The following SYNGR1 variants were observed in gnomAD, a reference collection of about 807,000 sequenced individuals.
SYNGR1 encodes the protein synaptogyrin-1.
In SYNGR1, 14 loss-of-function variants were observed where a neutral mutation model predicts 26.1. The observed-to-expected ratio is 0.54, with a 90% CI of 0.35 to 0.84. The LOEUF is 0.84. SYNGR1 is among the 40% of genes least tolerant of loss of function. SYNGR1 has a pLI of 0.01. For missense variants in SYNGR1, 319 were observed against 332.9 expected, an observed-to-expected ratio of 0.96 and a Z score of 0.33; for synonymous variants, 141 against 150.1, an observed-to-expected ratio of 0.94 and a Z score of 0.44.
chr22:39,360,723 T>G (rs1045543587), intron 1 of SYNGR1, among the ~76,000 whole-genome samples: 14 of 152,060 alleles, frequency 9.2e-5, no homozygotes, highest in African/African-American at 3.4e-4. Context: ...AGTTAAAATA[T>G]GGAGGTGAGC....
chr22:39,374,829 A>G (rs1925203019), intron 2 of SYNGR1: 3 of 521,570 alleles, frequency 5.8e-6, no homozygotes, highest in Non-Finnish European at 1.0e-5. Flanking sequence ...GGCACTGGGC[A>G]TGTGCCAGCC....
intron 1 of SYNGR1, among the ~76,000 whole-genome samples, chr22:39,358,721 C>A (rs1924307778): frequency 6.6e-6 from 1 of 152,162 alleles, no homozygotes; most frequent in South Asian, 2.1e-4. Flanking sequence ...AGAGCTGTAA[C>A]ACTCACCGAG....
chr22:39,365,918 A>G (rs541008882), intron 1 of SYNGR1, among the ~76,000 whole-genome samples: 1 of 150,166 alleles, frequency 6.7e-6, no homozygotes, highest in East Asian at 2.0e-4. Flanking sequence ...GGCTGGTCTC[A>G]AGCAATCTGC....
chr22:39,357,640 CAG>C (rs1924213900), intron 1 of SYNGR1, among the ~76,000 whole-genome samples: 1 of 135,436 alleles, frequency 7.4e-6, no homozygotes, highest in African/African-American at 2.7e-5. Context: ...AGCAGCCGGC[CAG>C]CCCTGCTGGC....
intron 3 of SYNGR1, among the ~76,000 whole-genome samples, chr22:39,379,390 T>C (rs560641749): frequency 1.3e-5 from 2 of 152,218 alleles, no homozygotes; most frequent in Admixed American, 1.3e-4. Flanking sequence ...TCCCAGCACT[T>C]TGGGAGGCCA....
At chr22:39,372,429 C>T (rs57492051) in intron 1 of SYNGR1, among the ~76,000 whole-genome samples, 15,203 of 143,476 alleles carry the variant, frequency 0.11, 1,949 homozygotes, top group African/African-American at 0.31. Context: ...CCATGCACCA[C>T]GCCCAGCTCT....
intron 1 of SYNGR1, among the ~76,000 whole-genome samples, chr22:39,352,174 G>C (rs947891440): frequency 6.6e-6 from 1 of 152,182 alleles, no homozygotes; most frequent in African/African-American, 2.4e-5. Context: ...CCAGAATCCT[G>C]GAATGTCAGG....
chr22:39,375,603 G>A (rs906824955), intron 2 of SYNGR1: 1 of 415,000 alleles, frequency 2.4e-6, no homozygotes. Flanking sequence ...TACCTCATTT[G>A]TCTGGCAGCC....
In SYNGR1 at chr22:39,350,168, G is replaced by A; in HGVS notation, c.99+59G>A. On this transcript the variant is annotated intron_variant, in intron 1 of 3. Coordinates refer to ENST00000328933, the MANE Select transcript of SYNGR1 (RefSeq NM_004711.5). The surrounding 1 kb of genome is among the most constrained non-coding windows in gnomAD (Gnocchi z 4.3). ...CGGGGTGGTGGGGGTGTGAGCAAAG[G>A]CGGCGCGCCCGGACCGACCCCGACC... 8.0e-7 allele frequency: 1 copy of A among 1,249,392 alleles called. No homozygotes were observed. Among genetic ancestry groups the A allele is most frequent in the South Asian group, 1.7e-5 (1 of 58,492 alleles). The allele number at this position is 1,249,392 out of a possible 1,614,324, so 77.4% of individuals were successfully genotyped here.
chr22:39,357,490 T>C (rs1459822023), intron 1 of SYNGR1, among the ~76,000 whole-genome samples: 2 of 152,178 alleles, frequency 1.3e-5, no homozygotes, highest in Admixed American at 6.5e-5. Context: ...CTTTCTGGGC[T>C]GGCCAAGGCT....
intron 1 of SYNGR1, among the ~76,000 whole-genome samples, chr22:39,367,545 G>C (rs111729352): frequency 6.6e-6 from 1 of 152,122 alleles, no homozygotes; most frequent in African/African-American, 2.4e-5. Context: ...GTTGTAGACC[G>C]CGCGAGGTGG....
intron 1 of SYNGR1, among the ~76,000 whole-genome samples, chr22:39,366,269 G>T (rs913610548): frequency 6.6e-6 from 1 of 151,746 alleles, no homozygotes; most frequent in Non-Finnish European, 1.5e-5. Context: ...GATCACAGGC[G>T]TGAGCCACCA....
chr22:39,379,200 C>G (rs1412574623), intron 3 of SYNGR1, among the ~76,000 whole-genome samples: 1 of 152,228 alleles, frequency 6.6e-6, no homozygotes, highest in Non-Finnish European at 1.5e-5. Flanking sequence ...AGTGGGAAAC[C>G]CCAGAGGGCT....
rs114689408 is a variant in SYNGR1, at chr22:39,374,483, C to T, written c.267C>T (p.Asp89=). The T allele has an allele frequency of 3.9e-5, 63 of 1,613,858 alleles. No homozygotes were observed. The African/African-American group carries it at 7.1e-4, about 18-fold the overall frequency. ...CCTGCCTGCTGTACCTGGCCCTGGA[C>T]GTGTACTTCCCGCAGATCAGCAGCG... ...FLTCLLYLAL[D]VYFPQISSVK... is the part of the protein sequence containing the mutation. Residue 89 remains aspartate (D), a synonymous_variant, in exon 2 of 4, where the codon GAC becomes GAT. Coordinates refer to ENST00000328933, the MANE Select transcript of SYNGR1 (RefSeq NM_004711.5).
intron 1 of SYNGR1, 78 bp from the exon 2 acceptor site, chr22:39,374,238 G>C (rs1925160547): frequency 7.2e-7 from 1 of 1,389,272 alleles, no homozygotes; most frequent in Non-Finnish European, 1.0e-6. Flanking sequence ...AGCAGGCGAG[G>C]GTGGCAGCCT....
At chr22:39,373,774 C>T (rs1178393735) in intron 1 of SYNGR1, among the ~76,000 whole-genome samples, 3 of 152,204 alleles carry the variant, frequency 2.0e-5, no homozygotes, top group Admixed American at 6.5e-5. Flanking sequence ...TGAGCCACCA[C>T]CCCCAGCCCA....
rs546645283 is a variant in SYNGR1 at position 39,377,096 on chromosome 22, G to A, written c.483+899G>A. 170 of 1,548,448 alleles carry A rather than the reference G, an allele frequency of 1.1e-4. 1 individual carries two copies. In the Middle Eastern group the frequency reaches 3.7e-3, roughly 33 times the overall value. On this transcript the variant is annotated intron_variant, in intron 3 of 3. Coordinates refer to ENST00000328933, the MANE Select transcript of SYNGR1 (RefSeq NM_004711.5). ...ACAGCTGCCTCCCCTCTGGACCGGC[G>A]AGCACTTCTGGGCCCAGCCTCCTGC...
rs191804587 is a variant in SYNGR1 at position 39,377,991 on chromosome 22, A to G, written c.483+1794A>G. The stretch of plus-strand genomic sequence containing the variant: ...AGGCTGGGGAGGAGAAAACAAACAC[A>G]TCAATATCTCTTCCAAATGGACAGC... On this transcript the variant is annotated intron_variant, in intron 3 of 3. Coordinates refer to ENST00000328933, the MANE Select transcript of SYNGR1 (RefSeq NM_004711.5). The G allele has an allele frequency of 1.1e-5, 14 of 1,234,804 alleles. No homozygotes were observed. In the East Asian group the frequency reaches 6.8e-4, roughly 60 times the overall value. The allele number at this position is 1,234,804 out of a possible 1,614,324, so 76.5% of individuals were successfully genotyped here.
rs117379545 is a variant in SYNGR1, at chr22:39,385,569, G to A, written c.*3655G>A. On this transcript the variant is annotated 3_prime_UTR_variant, in exon 4 of 4. Coordinates refer to ENST00000328933, the MANE Select transcript of SYNGR1 (RefSeq NM_004711.5). ...GACATAGTAATAAAGTGAAGACTCA[G>A]AACCCACCAGCGATTGCAAGTGTGT... 681 of 152,778 alleles carry A rather than the reference G, an allele frequency of 4.5e-3. 1 individual carries two copies. The highest frequency in any genetic ancestry group is 7.1e-3 in the Non-Finnish European group (481 of 68,044). 9.5% of individuals were successfully genotyped at this position (152,778 alleles called of 1,614,324 possible). A position where few individuals can be genotyped will look rare whatever the true frequency, so the allele number is the denominator to read the frequency against.
Sources: gnomAD v4.1 joint callset for allele counts (sites outside exome capture counted in the v4.1 genomes callset) on GRCh38, gnomAD v4.1.1 for gene constraint, Gnocchi (gnomAD v3.1) non-coding constraint, MANE v1.5 for transcripts, NCBI Gene and HGNC (gene_info 2026-07-23, HGNC 2026-07-21) for gene names.